Variants in REDIC1 observed in about 807,000 individuals in gnomAD.
REDIC1 encodes regulator of DNA class I crossover intermediates 1, also known as HEI10 Interacting Protein 1.
chr12:39,636,019 G>A, the REDIC1 span, among the ~76,000 whole-genome samples: 12 of 152,088 alleles, frequency 7.9e-5, no homozygotes, highest in African/African-American at 2.7e-4. Context: ...AAATTTTAGA[G>A]ATAGTACTAA....
At chr12:39,657,059 T>C in the REDIC1 span, among the ~76,000 whole-genome samples, 1 of 152,204 alleles carries the variant, frequency 6.6e-6, no homozygotes, top group Non-Finnish European at 1.5e-5. Flanking sequence ...CAGTAGTGTA[T>C]AGTAATGTTC....
At chr12:39,643,947 AACTTG>A in the REDIC1 span, 2 of 1,462,744 alleles carry the variant, frequency 1.4e-6, no homozygotes, top group Non-Finnish European at 1.9e-6. Context: ...TTCTGTTTTG[AACTTG>A]ATGTGATCAT....
chr12:39,704,696 G>C, the REDIC1 span, among the ~76,000 whole-genome samples: 1 of 152,142 alleles, frequency 6.6e-6, no homozygotes, highest in Non-Finnish European at 1.5e-5. Context: ...TGATAGACTA[G>C]ATTAAGAAAA....
At chr12:39,750,389 C>T in the REDIC1 span, among the ~76,000 whole-genome samples, 1 of 152,134 alleles carries the variant, frequency 6.6e-6, no homozygotes, top group Non-Finnish European at 1.5e-5. Context: ...GAACTACAAA[C>T]CACTGCTCAA....
chr12:39,663,111 G>C, the REDIC1 span, among the ~76,000 whole-genome samples: 1 of 151,900 alleles, frequency 6.6e-6, no homozygotes, highest in African/African-American at 2.4e-5. Context: ...GCCTGGTTTT[G>C]ATATCAGAGT....
chr12:39,683,099 CT>C, the REDIC1 span: 1 of 1,609,962 alleles, frequency 6.2e-7, no homozygotes, highest in African/African-American at 1.3e-5. Context: ...CTTAGTACAT[CT>C]TTTGAGAACG....
At chr12:39,844,849 A>T in the REDIC1 span, among the ~76,000 whole-genome samples, 1 of 152,044 alleles carries the variant, frequency 6.6e-6, no homozygotes. Flanking sequence ...TAAGTAGTTA[A>T]TTTTTGCTTG....
At chr12:39,829,502 G>C in the REDIC1 span, 1 of 76,278 alleles carries the variant, frequency 1.3e-5, no homozygotes. Flanking sequence ...TATCTCCCAG[G>C]TTCAAGTGAT....
the REDIC1 span, among the ~76,000 whole-genome samples, chr12:39,709,163 A>G: frequency 1.3e-5 from 2 of 151,082 alleles, no homozygotes; most frequent in South Asian, 4.2e-4. Flanking sequence ...CTACTTTAGC[A>G]TGAATATACA....
At chr12:39,709,351 C>A in the REDIC1 span, among the ~76,000 whole-genome samples, 11 of 148,992 alleles carry the variant, frequency 7.4e-5, no homozygotes, top group African/African-American at 2.5e-4. Flanking sequence ...ATTCATATGT[C>A]TTTTTGCATT....
At chr12:39,846,317 A>C in the REDIC1 span, among the ~76,000 whole-genome samples, 38 of 152,266 alleles carry the variant, frequency 2.5e-4, no homozygotes, top group African/African-American at 7.2e-4. Context: ...GGACAATAGG[A>C]GCATCACATT....
chr12:39,782,543 T>A, the REDIC1 span, among the ~76,000 whole-genome samples: 1 of 152,166 alleles, frequency 6.6e-6, no homozygotes, highest in African/African-American at 2.4e-5. Context: ...CCTCTTTTTC[T>A]TCCCAGTTTT....
At chr12:39,637,448 T>A in the REDIC1 span, among the ~76,000 whole-genome samples, 72 of 152,168 alleles carry the variant, frequency 4.7e-4, no homozygotes, top group African/African-American at 1.5e-3. Context: ...GTAATTTAAG[T>A]TTCAAGACAA....
chr12:39,678,014 A>G, the REDIC1 span, among the ~76,000 whole-genome samples: 8 of 152,278 alleles, frequency 5.3e-5, no homozygotes, highest in East Asian at 1.9e-4. Flanking sequence ...TAGACAATCT[A>G]AGGTCACACC....
the REDIC1 span, chr12:39,720,840 G>T: frequency 2.5e-6 from 4 of 1,612,726 alleles, no homozygotes; most frequent in South Asian, 4.4e-5. Context: ...CAAATAGGAT[G>T]ACCATCAAAA....
the REDIC1 span, among the ~76,000 whole-genome samples, chr12:39,744,400 G>C: frequency 6.6e-6 from 1 of 152,148 alleles, no homozygotes; most frequent in African/African-American, 2.4e-5. Flanking sequence ...ATTAGAAATG[G>C]AATAAGCGAA....
chr12:39,783,023 C>A, the REDIC1 span, among the ~76,000 whole-genome samples: 35 of 152,240 alleles, frequency 2.3e-4, no homozygotes, highest in Non-Finnish European at 3.7e-4. Context: ...CTCCCCGCTC[C>A]CCCCACCCCA....
the REDIC1 span, among the ~76,000 whole-genome samples, chr12:39,898,212 T>C: frequency 2.6e-5 from 4 of 152,104 alleles, no homozygotes; most frequent in African/African-American, 9.7e-5. Context: ...AATGTCTCTT[T>C]TTAAGACTAT....
the REDIC1 span, among the ~76,000 whole-genome samples, chr12:39,883,285 C>G: frequency 1.1e-4 from 17 of 152,178 alleles, no homozygotes; most frequent in Non-Finnish European, 1.2e-4. Flanking sequence ...TCTGAATACG[C>G]CTCACCACCA....
Sources: allele counts gnomAD v4.1 joint callset (sites outside exome capture counted in the v4.1 genomes callset), GRCh38; gene constraint gnomAD v4.1.1; transcripts MANE v1.5; gene names NCBI Gene and HGNC (gene_info 2026-07-23, HGNC 2026-07-21).